Variants in KCNN2 observed in about 807,000 individuals in gnomAD.
KCNN2 encodes potassium calcium-activated channel subfamily N member 2, also known as small conductance calcium-activated potassium channel protein 2.
A neutral mutation model predicts 55.5 loss-of-function variants in KCNN2; 24 were observed. The observed-to-expected ratio is 0.43, with a 90% CI of 0.31 to 0.61. The LOEUF is 0.61. Among genes scored for constraint, KCNN2 ranks in the 20% least tolerant of loss-of-function variants. KCNN2 has a pLI of 0.08. For synonymous variants in KCNN2, 431 were observed against 336.1 expected (o/e 1.28, Z -3.09); for missense variants, 754 against 853.6 (o/e 0.88, Z 1.45).
rs548163852 is a variant in KCNN2, at chr5:114,151,660, C to T, written c.-270-69820C>T. On this transcript the variant is annotated intron_variant, in intron 1 of 10. Coordinates refer to the KCNN2 transcript ENST00000512097. Reference sequence around the variant, plus strand: ...TAAAAGGTTAGTGATTTTTTTTAAACTTCTGAACTAGTGAAAGAGCTTTTC... The same window carrying T: ...TAAAAGGTTAGTGATTTTTTTTAAATTTCTGAACTAGTGAAAGAGCTTTTC... 2.6e-5 allele frequency among the ~76,000 whole-genome samples: 4 copies of T among 152,020 alleles called. No homozygotes were observed. The South Asian group carries it at 8.3e-4, about 32-fold the overall frequency.
upstream of KCNN2, among the ~76,000 whole-genome samples, chr5:114,358,843 A>G (rs935517269): frequency 1.3e-5 from 2 of 152,256 alleles, no homozygotes; most frequent in Non-Finnish European, 2.9e-5. Flanking sequence ...CATGTTATGC[A>G]CATTTTAAAT....
intron 1 of KCNN2, among the ~76,000 whole-genome samples, chr5:114,191,561 T>C (rs1753449699): frequency 6.6e-6 from 1 of 152,068 alleles, no homozygotes; most frequent in African/African-American, 2.4e-5. Flanking sequence ...GTCATAAACA[T>C]TTACAAATCA....
chr5:114,486,751 C>T (rs1179705409), intron 5 of KCNN2: 1 of 1,298,526 alleles, frequency 7.7e-7, no homozygotes, highest in Non-Finnish European at 1.0e-6. Flanking sequence ...GAACTCAACA[C>T]CCCTTGATTA....
At position 114,363,196 on chromosome 5, in the gene KCNN2, T is replaced by C; in HGVS notation, c.1057T>C (p.Phe353Leu). ...GCGGCTCAGCGACTACGCGCTCATC[T>C]TCGGCATGTTCGGCATCGTGGTCAT... ...RKRLSDYALI[F>L]GMFGIVVMVI... The change falls in exon 1 of 8, where the codon TTC (phenylalanine) becomes CTC (leucine). Residue 353 changes from phenylalanine (F) to leucine (L), a missense_variant. This residue lies in a region of KCNN2 where 123 missense variants were observed against 204.9 expected (regional missense o/e 0.60). Coordinates refer to ENST00000673685, the MANE Select transcript of KCNN2 (RefSeq NM_021614.4). 2 of 1,613,380 alleles carry C rather than the reference T, an allele frequency of 1.2e-6. No individual in the cohort carries two copies. Among genetic ancestry groups the C allele is most frequent in the Non-Finnish European group, 1.7e-6 (2 of 1,180,010 alleles).
intron 2 of KCNN2, among the ~76,000 whole-genome samples, chr5:114,268,776 G>A (rs1042912456): frequency 2.6e-5 from 4 of 152,262 alleles, no homozygotes; most frequent in African/African-American, 9.6e-5. Flanking sequence ...GACAATACTG[G>A]TTTATTTTAT....
At chr5:114,314,015 A>G (rs1756453495) in intron 2 of KCNN2, among the ~76,000 whole-genome samples, 1 of 152,080 alleles carries the variant, frequency 6.6e-6, no homozygotes, top group African/African-American at 2.4e-5. Context: ...CGGTTTGATC[A>G]ACAGCTTTGG....
At chr5:114,295,682 C>T (rs991908585) in intron 2 of KCNN2, among the ~76,000 whole-genome samples, 3 of 152,262 alleles carry the variant, frequency 2.0e-5, no homozygotes, top group Admixed American at 1.3e-4. Context: ...CCTGCTTCAG[C>T]TCACGCACGA....
intron 2 of KCNN2, among the ~76,000 whole-genome samples, chr5:114,256,722 T>C (rs914142995): frequency 1.3e-5 from 2 of 152,152 alleles, no homozygotes; most frequent in African/African-American, 4.8e-5. Context: ...ATGGGATTAT[T>C]TGTTGGTTTT....
chr5:114,270,218 A>T (rs73262014), intron 2 of KCNN2, among the ~76,000 whole-genome samples: 4,413 of 152,208 alleles, frequency 0.029, 221 homozygotes, highest in African/African-American at 0.1. Flanking sequence ...AGGCGCTTTT[A>T]CTCTCTAATA....
chr5:114,434,594 C>T (rs539785831), intron 3 of KCNN2, among the ~76,000 whole-genome samples: 83 of 152,028 alleles, frequency 5.5e-4, no homozygotes, highest in Non-Finnish European at 9.6e-4. Flanking sequence ...TGTTGTAATC[C>T]CCTGGTATTA....
intron 7 of KCNN2, among the ~76,000 whole-genome samples, chr5:114,494,231 G>T (rs1392021302): frequency 6.8e-6 from 1 of 146,530 alleles, no homozygotes; most frequent in African/African-American, 2.5e-5. Context: ...CTTTGAAAGA[G>T]GCAACTCTCA....
chr5:114,205,755 A>G (rs1753754425), intron 1 of KCNN2, among the ~76,000 whole-genome samples: 1 of 152,216 alleles, frequency 6.6e-6, no homozygotes, highest in Non-Finnish European at 1.5e-5. Context: ...TTTAGCAGAC[A>G]ATACTTCTTT....
intron 2 of KCNN2, among the ~76,000 whole-genome samples, chr5:114,222,658 G>A (rs948445828): frequency 2.6e-5 from 4 of 151,946 alleles, no homozygotes; most frequent in African/African-American, 9.7e-5. Flanking sequence ...TTCAGCGCAG[G>A]GAATCATATC....
At chr5:114,203,359 C>A (rs1753711766) in intron 1 of KCNN2, among the ~76,000 whole-genome samples, 1 of 152,106 alleles carries the variant, frequency 6.6e-6, no homozygotes. Flanking sequence ...TCCTGATGTT[C>A]CTTGCGGGAT....
intron 1 of KCNN2, among the ~76,000 whole-genome samples, chr5:114,119,382 G>A (rs958513803): frequency 1.3e-5 from 2 of 152,210 alleles, no homozygotes; most frequent in Non-Finnish European, 2.9e-5. Flanking sequence ...GTTTTCCATT[G>A]GCTTCTTTTA....
At chr5:114,279,695 A>G (rs1755579795) in intron 2 of KCNN2, among the ~76,000 whole-genome samples, 1 of 152,158 alleles carries the variant, frequency 6.6e-6, no homozygotes, top group Non-Finnish European at 1.5e-5. Flanking sequence ...AATCCAGTCT[A>G]TCATTGATGG....
intron 1 of KCNN2, among the ~76,000 whole-genome samples, chr5:114,179,805 A>G (rs1753205317): frequency 6.6e-6 from 1 of 152,200 alleles, no homozygotes; most frequent in Admixed American, 6.5e-5. Flanking sequence ...TCTTAATTAA[A>G]CACATTTTTG....
intron 2 of KCNN2, among the ~76,000 whole-genome samples, chr5:114,247,471 A>G (rs951273642): frequency 6.6e-6 from 1 of 152,054 alleles, no homozygotes; most frequent in African/African-American, 2.4e-5. Flanking sequence ...AAAGGTCAGC[A>G]AAGTGCTGAA....
intron 1 of KCNN2, among the ~76,000 whole-genome samples, chr5:114,159,398 G>C (rs571401742): frequency 6.6e-6 from 1 of 152,242 alleles, no homozygotes; most frequent in Admixed American, 6.5e-5. Flanking sequence ...TGCTGGATTC[G>C]GTTTGGCAGT....
Sources: gnomAD v4.1 joint callset for allele counts (sites outside exome capture counted in the v4.1 genomes callset) on GRCh38, gnomAD v4.1.1 for gene constraint, gnomAD v4.1.1 regional missense constraint, MANE v1.5 for transcripts, NCBI Gene and HGNC (gene_info 2026-07-23, HGNC 2026-07-21) for gene names.